DLGAP1: variants seen among roughly 807,000 people sequenced by gnomAD.
DLGAP1 encodes disks large-associated protein 1.
Under a neutral mutation model 90.8 loss-of-function variants are expected in DLGAP1, and 11 were observed. That is an observed-to-expected ratio of 0.12 (90% CI 0.08 to 0.20). DLGAP1 has a LOEUF of 0.20. DLGAP1 is among the 10% of genes least tolerant of loss of function. DLGAP1 has a pLI of 1.00. For synonymous variants in DLGAP1, 558 were observed against 540.7 expected (o/e 1.03, Z -0.44); for missense variants, 1,050 against 1,333.8 (o/e 0.79, Z 3.31).
chr18:3,656,376 A>G (rs2059484177), intron 7 of DLGAP1: 1 of 447,846 alleles, frequency 2.2e-6, no homozygotes, highest in Non-Finnish European at 4.0e-6. Context: ...GGATGGGACA[A>G]AGGCCAAGTC....
rs750456373 is a variant in DLGAP1 at position 3,700,321 on chromosome 18, G to A, written c.1591+28814C>T. Among the ~76,000 whole-genome samples, 4 of 152,164 alleles carry A rather than the reference G, an allele frequency of 2.6e-5. No homozygotes were observed. The South Asian group carries it at 6.2e-4, about 24-fold the overall frequency. On this transcript the variant is annotated intron_variant, in intron 7 of 12. Transcript: ENST00000315677. ...ATGGGAAAAGCATAGTATCTGAGCCGGAACGCACTGTTCCTCACAGCACAG... is the reference window on the plus strand; with the variant it reads ...ATGGGAAAAGCATAGTATCTGAGCCAGAACGCACTGTTCCTCACAGCACAG...
chr18:3,582,333 G>A, intron 7 of DLGAP1, 85 bp from the exon 8 acceptor site: 3 of 1,531,914 alleles, frequency 2.0e-6, no homozygotes, highest in Non-Finnish European at 2.6e-6. Context: ...TTGGGAATTA[G>A]GGCACATGAA....
intron 7 of DLGAP1, among the ~76,000 whole-genome samples, chr18:3,611,809 T>C (rs1026817455): frequency 9.2e-5 from 14 of 152,218 alleles, no homozygotes; most frequent in Admixed American, 3.3e-4. Flanking sequence ...TTTGCCTCCA[T>C]AGTCAGCACT....
intron 7 of DLGAP1, among the ~76,000 whole-genome samples, chr18:3,615,069 C>T (rs1188466430): frequency 3.3e-5 from 5 of 151,758 alleles, no homozygotes; most frequent in East Asian, 2.0e-4. Context: ...TACAGGCGCC[C>T]GCCACCATGC....
At chr18:3,666,196 T>G (rs914230317) in intron 7 of DLGAP1, among the ~76,000 whole-genome samples, 2 of 152,128 alleles carry the variant, frequency 1.3e-5, no homozygotes, top group African/African-American at 4.8e-5. Context: ...CAGGAAAGAC[T>G]AGGCAGCCGC....
chr18:4,117,220 T>G (rs1036352990), intron 2 of DLGAP1, among the ~76,000 whole-genome samples: 1 of 152,222 alleles, frequency 6.6e-6, no homozygotes, highest in African/African-American at 2.4e-5. Context: ...GATCTTAGAC[T>G]TCTAGCATCC....
At chr18:3,594,360 C>CCCTCCCAA (rs2056457449) in intron 7 of DLGAP1, 1 of 147,316 alleles carries the variant, frequency 6.8e-6, no homozygotes. Context: ...CTCCCTCCCT[C>CCCTCCCAA]CCTCCCAACC....
intron 9 of DLGAP1, among the ~76,000 whole-genome samples, chr18:3,561,281 AAAC>A (rs2054089790): frequency 1.1e-5 from 1 of 95,100 alleles, no homozygotes; most frequent in Admixed American, 1.3e-4. Context: ...AAAAAAAAAC[AAAC>A]AAAAAATAGC....
intron 2 of DLGAP1, among the ~76,000 whole-genome samples, chr18:4,039,802 T>A (rs751250039): frequency 6.6e-6 from 1 of 152,234 alleles, no homozygotes; most frequent in Non-Finnish European, 1.5e-5. Context: ...TTAACCCCCA[T>A]GCTACTTAGC....
chr18:3,687,808 C>T (rs73368663), intron 7 of DLGAP1, among the ~76,000 whole-genome samples: 1,707 of 151,656 alleles, frequency 0.011, 29 homozygotes, highest in African/African-American at 0.039. Context: ...TAAAAAGGGC[C>T]GAAGTAAACA....
intron 1 of DLGAP1, among the ~76,000 whole-genome samples, chr18:4,190,349 A>G (rs1598584428): frequency 6.6e-6 from 1 of 152,078 alleles, no homozygotes; most frequent in Non-Finnish European, 1.5e-5. Flanking sequence ...AGTGGTTGCC[A>G]GGGGTTCAGA....
At chr18:4,321,232 A>T (rs2080678229) in intron 1 of DLGAP1, among the ~76,000 whole-genome samples, 1 of 152,226 alleles carries the variant, frequency 6.6e-6, no homozygotes, top group African/African-American at 2.4e-5. Context: ...ACATAAAATG[A>T]GTTAGTGGAA....
intron 7 of DLGAP1, among the ~76,000 whole-genome samples, chr18:3,645,213 C>T (rs913173493): frequency 2.0e-5 from 3 of 152,154 alleles, no homozygotes; most frequent in Non-Finnish European, 2.9e-5. Flanking sequence ...TCACCTGAGC[C>T]TCCCGAGTAG....
rs116226250 is a variant in DLGAP1 at position 4,286,449 on chromosome 18, G to A, written c.-266-135162C>T. ...ACACATGACTCATTTCAAGCACGGA[G>A]GATGACGCTAATGCTGAGGGTCTGG... On this transcript the variant is annotated intron_variant, in intron 1 of 12. Coordinates refer to ENST00000315677, the MANE Select transcript of DLGAP1 (RefSeq NM_004746.4). Among the ~76,000 whole-genome samples, 771 of 152,212 alleles carry A rather than the reference G, an allele frequency of 5.1e-3. 8 individuals are homozygous for A. The highest frequency in any genetic ancestry group is 0.017 in the African/African-American group (693 of 41,530).
chr18:4,112,652 C>T (rs1238650420), intron 2 of DLGAP1, among the ~76,000 whole-genome samples: 2 of 152,092 alleles, frequency 1.3e-5, no homozygotes, highest in Non-Finnish European at 2.9e-5. Context: ...TATACATGTG[C>T]AGGTTTGTTA....
chr18:4,056,059 A>G (rs191251231), intron 2 of DLGAP1, among the ~76,000 whole-genome samples: 18 of 152,314 alleles, frequency 1.2e-4, no homozygotes, highest in African/African-American at 4.3e-4. Flanking sequence ...TTAAAGATAG[A>G]TACATATTCA....
intron 7 of DLGAP1, among the ~76,000 whole-genome samples, chr18:3,592,878 G>GGAAAAAAAAAAAAAAAAAAAAAAAAA (rs2056346367): frequency 8.8e-6 from 1 of 113,862 alleles, no homozygotes; most frequent in Admixed American, 1.0e-4. Flanking sequence ...GAAAAAGAAA[G>GGAAAAAAAAAAAAAAAAAAAAAAAAA]AAAGAAAAAG....
chr18:3,763,036 A>G (rs1256806210), intron 5 of DLGAP1, among the ~76,000 whole-genome samples: 1 of 152,142 alleles, frequency 6.6e-6, no homozygotes, highest in East Asian at 1.9e-4. Flanking sequence ...TGTCAACTTG[A>G]TTGGATTGAA....
intron 7 of DLGAP1, among the ~76,000 whole-genome samples, chr18:3,643,512 A>C (rs1313963237): frequency 6.6e-6 from 1 of 151,914 alleles, no homozygotes; most frequent in Non-Finnish European, 1.5e-5. Flanking sequence ...AAATACAAAA[A>C]ATTAGCCGGG....
Sources: gnomAD v4.1 joint callset for allele counts (sites outside exome capture counted in the v4.1 genomes callset) on GRCh38, gnomAD v4.1.1 for gene constraint, MANE v1.5 for transcripts, NCBI Gene and HGNC (gene_info 2026-07-23, HGNC 2026-07-21) for gene names.